The following PDLIM2 variants were observed in gnomAD, a reference collection of about 807,000 sequenced individuals.
The protein encoded by PDLIM2 is PDZ and LIM domain protein 2.
A neutral mutation model predicts 54.1 loss-of-function variants in PDLIM2; 51 were observed. The ratio of observed to expected loss-of-function variants is 0.94; its 90% CI spans 0.75 to 1.19. PDLIM2 has a LOEUF of 1.19. Among genes scored for constraint, PDLIM2 ranks in the 50% most tolerant of loss-of-function variants. PDLIM2 has a pLI of 0.00. For missense variants in PDLIM2, 912 were observed against 874.0 expected, an observed-to-expected ratio of 1.04 and a Z score of -0.55; for synonymous variants, 398 against 385.6, an observed-to-expected ratio of 1.03 and a Z score of -0.38.
At chr8:22,588,900 C>T (rs930618910) in intron 6 of PDLIM2, 7 of 284,826 alleles carry the variant, frequency 2.5e-5, no homozygotes, top group Non-Finnish European at 4.6e-5. Flanking sequence ...GGGCAGCGTG[C>T]TTCCTCTCTG....
At chr8:22,591,755 G>T in intron 9 of PDLIM2, 87 bp downstream of exon 8, 1 of 1,247,030 alleles carries the variant, frequency 8.0e-7, no homozygotes, top group South Asian at 1.5e-5. Context: ...GGAAGGGCCG[G>T]GCCCATCAGG....
intron 6 of PDLIM2, chr8:22,588,630 C>A (rs1800443788): frequency 2.0e-5 from 3 of 152,484 alleles, no homozygotes; most frequent in Non-Finnish European, 4.4e-5. Context: ...ATTTAAGAGC[C>A]CCAGATGGAC....
At chr8:22,593,943 G>T in exon 10 of PDLIM2, 3 of 1,541,670 alleles carry the variant, frequency 1.9e-6, no homozygotes, top group Non-Finnish European at 2.6e-6. Context: ...CTCACTGCTG[G>T]GCCAGGGTCA....
chr8:22,581,444 C>G, exon 3 of PDLIM2: 2 of 1,608,158 alleles, frequency 1.2e-6, no homozygotes, highest in Non-Finnish European at 1.7e-6. Context: ...TGGCCATCAA[C>G]GGGGAAAGCG....
chr8:22,580,620 G>A (rs573465078), exon 2 of PDLIM2: 1 of 1,614,082 alleles, frequency 6.2e-7, no homozygotes. Context: ...GTTGACGGTG[G>A]ATGTGGCCGG....
chr8:22,585,153 T>G, exon 5 of PDLIM2: 1 of 1,613,270 alleles, frequency 6.2e-7, no homozygotes, highest in Non-Finnish European at 8.5e-7. Flanking sequence ...GAGGCAGCCA[T>G]CAGCCGCAGG....
intron 3 of PDLIM2, among the ~76,000 whole-genome samples, chr8:22,583,268 G>A (rs1800263088): frequency 6.6e-6 from 1 of 152,046 alleles, no homozygotes. Context: ...CTGGAAGGAG[G>A]CAGGCGGGTC....
intron 1 of PDLIM2, chr8:22,579,683 C>A: frequency 1.1e-6 from 1 of 925,870 alleles, no homozygotes; most frequent in Non-Finnish European, 1.5e-6. Flanking sequence ...GCACTTGCGT[C>A]CCCAGGGCAG....
At chr8:22,592,209 G>C (rs1218425404) in intron 9 of PDLIM2, 2 of 151,062 alleles carry the variant, frequency 1.3e-5, no homozygotes, top group Non-Finnish European at 2.9e-5. Flanking sequence ...AGCCTCCCGA[G>C]TTGTTGGGGC....
Position 22,589,744 on chromosome 8 carries a change from G to T in PDLIM2, c.1513+3G>T. On this transcript the variant is annotated splice_donor_region_variant and intron_variant, in intron 8 of 9. Coordinates refer to ENST00000308354, the Ensembl canonical transcript of PDLIM2. The stretch of plus-strand genomic sequence containing the variant: ...AGCCCTGGAGGCTGAGGAGAGAGGT[G>T]AGGGTCTGGGGGGCTGGGGAGGGGA... 6.4e-7 allele frequency: 1 copy of T among 1,562,996 alleles called. No homozygotes were observed. The highest frequency in any genetic ancestry group is 8.7e-7 in the Non-Finnish European group (1 of 1,153,378).
exon 1 of PDLIM2, chr8:22,578,787 G>C (rs1309298542): frequency 8.1e-7 from 1 of 1,234,102 alleles, no homozygotes; most frequent in Non-Finnish European, 1.0e-6. Flanking sequence ...GGGATGCGGG[G>C]CGGGAGAGCG....
At chr8:22,586,491 C>T (rs968548408) in intron 6 of PDLIM2, among the ~76,000 whole-genome samples, 19 of 151,852 alleles carry the variant, frequency 1.3e-4, no homozygotes, top group South Asian at 2.1e-4. Flanking sequence ...TATTGCTGGA[C>T]GTTAGAGGTG....
At chr8:22,586,443 G>T (rs1007397781) in intron 6 of PDLIM2, among the ~76,000 whole-genome samples, 1 of 152,186 alleles carries the variant, frequency 6.6e-6, no homozygotes. Flanking sequence ...AGCAGGAGGC[G>T]TTCTGGGAGG....
chr8:22,582,595 T>G (rs1355278728), intron 3 of PDLIM2, among the ~76,000 whole-genome samples: 2 of 148,970 alleles, frequency 1.3e-5, no homozygotes, highest in Non-Finnish European at 3.0e-5. Context: ...TTTTTTTTTT[T>G]TTTTTGAGAC....
chr8:22,581,035 C>T, intron 2 of PDLIM2: 2 of 660,238 alleles, frequency 3.0e-6, no homozygotes, highest in South Asian at 3.0e-5. Context: ...TGGGCCCAGG[C>T]TGGGAACATT....
At chr8:22,583,854 G>GAAAAAAAAA (rs530039600) in intron 3 of PDLIM2, among the ~76,000 whole-genome samples, 10 of 79,130 alleles carry the variant, frequency 1.3e-4, no homozygotes, top group African/African-American at 2.2e-4. Flanking sequence ...AGGCAAAATA[G>GAAAAAAAAA]AAAAAAAAAA....
chr8:22,581,188 G>C, intron 2 of PDLIM2, 191 bp from the exon 2 acceptor site: 1 of 686,518 alleles, frequency 1.5e-6, no homozygotes, highest in Admixed American at 2.3e-5. Flanking sequence ...CCAGTGTGGG[G>C]TGGGGGCTGC....
intron 6 of PDLIM2, chr8:22,587,707 C>T (rs1200592685): frequency 6.6e-6 from 1 of 152,444 alleles, no homozygotes; most frequent in South Asian, 2.1e-4. Flanking sequence ...AAGACATTGT[C>T]TCTCCCAGTC....
chr8:22,591,617 T>C, exon 9 of PDLIM2: 1 of 1,613,452 alleles, frequency 6.2e-7, no homozygotes, highest in Non-Finnish European at 8.5e-7. Flanking sequence ...TCCAGGGCCC[T>C]GGCCACCCCT....
Sources: gnomAD v4.1 joint callset for allele counts (sites outside exome capture counted in the v4.1 genomes callset) on GRCh38, gnomAD v4.1.1 for gene constraint, MANE v1.5 for transcripts, NCBI Gene and HGNC (gene_info 2026-07-23, HGNC 2026-07-21) for gene names.